Variants in RYR2 observed in about 807,000 individuals in gnomAD.
RYR2 encodes the protein cardiac muscle ryanodine receptor-calcium release channel.
RYR2 carries 227 observed loss-of-function variants against 601.1 expected under a neutral mutation model. That is an observed-to-expected ratio of 0.38 (90% CI 0.34 to 0.42). The LOEUF (loss-of-function observed/expected upper bound fraction) is 0.42, where lower values mean the gene tolerates loss of function less well. Among genes scored for constraint, RYR2 ranks in the 10% least tolerant of loss-of-function variants. The probability of loss-of-function intolerance (pLI) is 1.00; values close to 1 mark genes in which losing one functional copy is unlikely to be tolerated. For synonymous variants in RYR2, 2,223 were observed against 2,175.1 expected (o/e 1.02, Z -0.61); for missense variants, 4,646 against 6,156.5 (o/e 0.75, Z 8.21).
chr1:237,672,795 A>G (rs1685070030), intron 58 of RYR2, among the ~76,000 whole-genome samples: 1 of 152,176 alleles, frequency 6.6e-6, no homozygotes, highest in South Asian at 2.1e-4. Flanking sequence ...TTGTCTTCTG[A>G]CAACTGTTTG....
intron 80 of RYR2, chr1:237,743,673 T>C (rs2149216378): frequency 2.0e-6 from 1 of 512,652 alleles, no homozygotes; most frequent in East Asian, 5.5e-5. Context: ...TTTCGGTTTC[T>C]TGTGACATTT....
At chr1:237,211,103 G>T (rs1163824868) in intron 1 of RYR2, among the ~76,000 whole-genome samples, 1 of 152,148 alleles carries the variant, frequency 6.6e-6, no homozygotes, top group Non-Finnish European at 1.5e-5. Flanking sequence ...TTATTGGATG[G>T]CATTACTATA....
intron 66 of RYR2, among the ~76,000 whole-genome samples, chr1:237,704,747 T>A (rs746907594): frequency 1.3e-5 from 2 of 152,006 alleles, no homozygotes; most frequent in Non-Finnish European, 2.9e-5. Context: ...AAAAAAAAAT[T>A]CAAAGGTAAG....
chr1:237,573,309 G>A (rs887431746), intron 29 of RYR2, among the ~76,000 whole-genome samples: 1 of 151,608 alleles, frequency 6.6e-6, no homozygotes, highest in Non-Finnish European at 1.5e-5. Flanking sequence ...GACACATGCT[G>A]TAGATCCCTG....
chr1:237,767,444 G>T (rs561471170), intron 84 of RYR2, among the ~76,000 whole-genome samples: 5 of 152,282 alleles, frequency 3.3e-5, no homozygotes, highest in African/African-American at 1.2e-4. Context: ...TGCCATAGAA[G>T]AGTGAATGTT....
chr1:237,476,508 TCAAA>T (rs1244090994), intron 17 of RYR2, among the ~76,000 whole-genome samples: 1 of 48,466 alleles, frequency 2.1e-5, no homozygotes, highest in Non-Finnish European at 3.6e-5. Context: ...AGACTCTGTC[TCAAA>T]AAAAAAAAAA....
At position 237,793,890 on chromosome 1, in the gene RYR2, A is replaced by G. The variant is rs1230311017; in HGVS notation, c.13806A>G (p.Arg4602=). ...CLKVPLVIFK[R]EKEVARKLEF... is the part of the protein sequence containing the mutation. ...AGGTCCCATTGGTTATTTTTAAGCG[A>G]GAAAAGGAAGTGGCACGGAAATTGG... Residue 4602 remains arginine, a synonymous_variant, in exon 95 of 105, where the codon CGA becomes CGG. Transcript: ENST00000366574. 1.9e-6 allele frequency: 3 copies of G among 1,609,602 alleles called. No individual in the cohort carries two copies. The African/African-American group carries it at 4.0e-5, about 22-fold the overall frequency.
intron 1 of RYR2, among the ~76,000 whole-genome samples, chr1:237,155,385 C>A (rs1027002819): frequency 6.6e-6 from 1 of 151,868 alleles, no homozygotes; most frequent in Admixed American, 6.6e-5. Context: ...ACAATGTTAG[C>A]CAGGATGGTC....
chr1:237,300,443 G>C (rs891120995), intron 2 of RYR2, among the ~76,000 whole-genome samples: 8 of 152,274 alleles, frequency 5.3e-5, no homozygotes, highest in Admixed American at 1.3e-4. Context: ...TTGCAACCCA[G>C]TTGACATGCA....
chr1:237,284,970 C>T lies in RYR2; in HGVS notation c.168+14354C>T, dbSNP rs373924326. ...TTTCAAGGTAAACGATCATGTCATC[C>T]GCAAACAGTGAAAGTCTGACTTCCT... On this transcript the variant is annotated intron_variant, in intron 2 of 104. Coordinates refer to ENST00000366574, the MANE Select transcript of RYR2 (RefSeq NM_001035.3). 4.0e-4 allele frequency among the ~76,000 whole-genome samples: 61 copies of T among 151,940 alleles called. 1 individual carries two copies. Among genetic ancestry groups the T allele is most frequent in the Middle Eastern group, 3.2e-3 (1 of 316 alleles).
At chr1:237,540,683 G>A (rs1289502284) in intron 25 of RYR2, among the ~76,000 whole-genome samples, 3 of 149,952 alleles carry the variant, frequency 2.0e-5, no homozygotes, top group African/African-American at 7.4e-5. Flanking sequence ...ATCCAGCCTG[G>A]ACAACAAAAG....
intron 94 of RYR2, 49 bp downstream of exon 94, chr1:237,792,372 T>TGTGTGTGTGTGC: frequency 2.2e-6 from 2 of 896,930 alleles, no homozygotes; most frequent in South Asian, 1.7e-5. Context: ...TGTGTGTGTG[T>TGTGTGTGTGTGC]GTGTGTGTGC....
intron 1 of RYR2, among the ~76,000 whole-genome samples, chr1:237,064,369 A>T (rs10802585): frequency 6.6e-6 from 1 of 152,052 alleles, no homozygotes; most frequent in Non-Finnish European, 1.5e-5. Flanking sequence ...CTGTTGTAAC[A>T]TTCTTCCTCT....
At chr1:237,301,021 A>G (rs1693294321) in intron 2 of RYR2, among the ~76,000 whole-genome samples, 1 of 152,102 alleles carries the variant, frequency 6.6e-6, no homozygotes, top group African/African-American at 2.4e-5. Flanking sequence ...TTCTCCAAGC[A>G]GAAGGAAGTT....
At chr1:237,794,137 C>T in intron 95 of RYR2, 140 bp downstream of exon 95, 1 of 709,318 alleles carries the variant, frequency 1.4e-6, no homozygotes, top group Non-Finnish European at 2.3e-6. Context: ...AATCTAAAGA[C>T]TCAGTGCTGT....
intron 16 of RYR2, among the ~76,000 whole-genome samples, chr1:237,464,958 C>T (rs1054882563): frequency 2.6e-5 from 4 of 152,044 alleles, no homozygotes; most frequent in Non-Finnish European, 5.9e-5. Context: ...TCTCTGCATA[C>T]TTTTTCATTA....
intron 1 of RYR2, among the ~76,000 whole-genome samples, chr1:237,142,877 T>A (rs1229053627): frequency 2.6e-5 from 4 of 152,130 alleles, no homozygotes; most frequent in Non-Finnish European, 5.9e-5. Flanking sequence ...GAAACCAGCA[T>A]TGCAGGTAAT....
intron 25 of RYR2, among the ~76,000 whole-genome samples, chr1:237,532,531 T>C (rs1210558431): frequency 6.6e-6 from 1 of 152,030 alleles, no homozygotes; most frequent in Non-Finnish European, 1.5e-5. Context: ...CCTCATCCTT[T>C]CCAAACCACT....
At chr1:237,049,430 G>A (rs1660980706) in intron 1 of RYR2, among the ~76,000 whole-genome samples, 1 of 152,102 alleles carries the variant, frequency 6.6e-6, no homozygotes, top group South Asian at 2.1e-4. Flanking sequence ...GGGCTGGTGG[G>A]GTCAGATAGA....
Sources: gnomAD v4.1 joint callset for allele counts (sites outside exome capture counted in the v4.1 genomes callset) on GRCh38, gnomAD v4.1.1 for gene constraint, MANE v1.5 for transcripts, NCBI Gene and HGNC (gene_info 2026-07-23, HGNC 2026-07-21) for gene names.